PINLYP: variants seen among roughly 807,000 people sequenced by gnomAD.
PINLYP encodes phospholipase A2 inhibitor and LY6/PLAUR domain containing.
PINLYP carries 12 observed loss-of-function variants against 15.8 expected under a neutral mutation model. That is an observed-to-expected ratio of 0.76 (90% CI 0.49 to 1.23). The LOEUF is 1.23. PINLYP is among the 50% of genes most tolerant of loss of function. The pLI is 0.00. For synonymous variants in PINLYP, 93 were observed against 97.7 expected (o/e 0.95, Z 0.28); for missense variants, 278 against 264.2 (o/e 1.05, Z -0.36).
chr19:43,581,857 C>G lies in PINLYP; in HGVS notation c.482-11C>G, dbSNP rs752043553. The G allele has an allele frequency of 7.2e-6, 11 of 1,536,686 alleles. No homozygotes were observed. In the South Asian group the frequency reaches 1.3e-4, roughly 18 times the overall value. On this transcript the variant is annotated splice_polypyrimidine_tract_variant and intron_variant, in intron 5 of 5. Transcript: ENST00000599207. ...GAGGTCCCTGATTCCAGTCTGAAATCTCCCTTTCAGGTATTTTCAAACCCA... is the reference window on the plus strand; with the variant it reads ...GAGGTCCCTGATTCCAGTCTGAAATGTCCCTTTCAGGTATTTTCAAACCCA...
chr19:43,580,737 C>T, intron 3 of PINLYP: 1 of 953,402 alleles, frequency 1.0e-6, no homozygotes, highest in Non-Finnish European at 1.2e-6. Flanking sequence ...GGAGGGAGGG[C>T]TACCTAAGAA....
Position 43,577,484 on chromosome 19 carries a change from A to C in PINLYP, c.70+223A>C, listed in dbSNP as rs376931699. Reference sequence around the variant, plus strand: ...GCTCCTGTGATTGGATCCCTGAGAGAGGGGCTTGGTGGGCTCTGAATCCTC... The same window carrying C: ...GCTCCTGTGATTGGATCCCTGAGAGCGGGGCTTGGTGGGCTCTGAATCCTC... On this transcript the variant is annotated intron_variant, in intron 2 of 5. Transcript: ENST00000599207. Among the ~76,000 whole-genome samples the C allele has an allele frequency of 3.3e-5, 5 of 152,056 alleles. No homozygotes were observed. In the East Asian group the frequency reaches 9.7e-4, roughly 29 times the overall value.
At chr19:43,581,069 A>G in intron 3 of PINLYP, 143 bp from the exon 4 acceptor site, 2 of 1,022,724 alleles carry the variant, frequency 2.0e-6, no homozygotes, top group Non-Finnish European at 2.7e-6. Context: ...TAAAAAAAAT[A>G]AGAAAAGAAA....
intron 2 of PINLYP, 72 bp downstream of exon 2, chr19:43,577,333 GATAT>G: frequency 7.1e-7 from 1 of 1,399,288 alleles, no homozygotes; most frequent in Non-Finnish European, 9.5e-7. Context: ...GAGAGAGAGA[GATAT>G]AGAGAGAGAA....
intron 3 of PINLYP, among the ~76,000 whole-genome samples, chr19:43,579,248 A>AT (rs986777292): frequency 1.1e-4 from 17 of 151,586 alleles, no homozygotes; most frequent in Admixed American, 3.3e-4. Context: ...GGAGCAAATC[A>AT]TTTTTTTTCT....
exon 5 of PINLYP, chr19:43,581,668 A>T (rs1330975983): frequency 6.5e-7 from 1 of 1,536,386 alleles, no homozygotes; most frequent in South Asian, 1.2e-5. Context: ...GGAAAGGAAA[A>T]CCACTGCGTC....
intron 3 of PINLYP, among the ~76,000 whole-genome samples, chr19:43,579,967 AATG>A (rs552965294): frequency 1.8e-4 from 27 of 152,114 alleles, no homozygotes; most frequent in African/African-American, 5.8e-4. Context: ...AGACCTGAAA[AATG>A]ATGGAGGAGA....
At chr19:43,576,379 G>A (rs1057314701) in exon 1 of PINLYP, among the ~76,000 whole-genome samples, 2 of 151,690 alleles carry the variant, frequency 1.3e-5, no homozygotes, top group African/African-American at 4.8e-5. Context: ...GCGCACGCGC[G>A]AAAAAAATTA....
exon 1 of PINLYP, chr19:43,576,862 G>A (rs1972871709): frequency 1.3e-5 from 4 of 312,866 alleles, no homozygotes; most frequent in Non-Finnish European, 2.4e-5. Context: ...GGAATCAAGA[G>A]GCCCAACTCC....
At chr19:43,579,533 T>C (rs964380407) in intron 3 of PINLYP, among the ~76,000 whole-genome samples, 1 of 150,648 alleles carries the variant, frequency 6.6e-6, no homozygotes, top group African/African-American at 2.4e-5. Context: ...AGGCATGAGC[T>C]ACCGTGCCTG....
chr19:43,581,776 A>G, intron 5 of PINLYP, 73 bp downstream of exon 5: 2 of 1,533,280 alleles, frequency 1.3e-6, no homozygotes, highest in East Asian at 2.4e-5. Context: ...ATGGGAGGAG[A>G]GGGTTCCAGA....
exon 6 of PINLYP, chr19:43,582,021 A>G: frequency 6.5e-7 from 1 of 1,535,532 alleles, no homozygotes; most frequent in South Asian, 1.2e-5. Flanking sequence ...TGAACAGAGG[A>G]AGATAATGTA....
At chr19:43,578,773 A>G in intron 3 of PINLYP, 67 bp downstream of exon 3, 1 of 1,205,066 alleles carries the variant, frequency 8.3e-7, no homozygotes, top group Non-Finnish European at 1.2e-6. Flanking sequence ...AGAGACTACC[A>G]TGCTGAGGGG....
chr19:43,576,926 A>C lies in PINLYP; in HGVS notation c.-78+7A>C, dbSNP rs1972872775. On this transcript the variant is annotated splice_region_variant and intron_variant, in intron 1 of 5. Transcript: ENST00000599207. Reference sequence around the variant, plus strand: ...AACAATGGGCCGTGGGAAGGTGAGAAAACAGGGTGGTGACTTTCTGGGTTC... The same window carrying C: ...AACAATGGGCCGTGGGAAGGTGAGACAACAGGGTGGTGACTTTCTGGGTTC... 4 of 493,198 alleles carry C rather than the reference A, an allele frequency of 8.1e-6. No individual in the cohort carries two copies. The highest frequency in any genetic ancestry group is 1.4e-5 in the Non-Finnish European group (4 of 282,330). The allele number at this position is 493,198 out of a possible 1,614,324, so 30.6% of individuals were successfully genotyped here. A position where few individuals can be genotyped will look rare whatever the true frequency, so the allele number is the denominator to read the frequency against.
At chr19:43,581,080 G>GAA in intron 3 of PINLYP, 132 bp from the exon 4 acceptor site, 2 of 1,072,772 alleles carry the variant, frequency 1.9e-6, no homozygotes, top group African/African-American at 1.6e-5. Flanking sequence ...AGAAAAGAAA[G>GAA]AAAAAAAAGA....
At chr19:43,580,473 A>C in intron 3 of PINLYP, 3 of 948,710 alleles carry the variant, frequency 3.2e-6, no homozygotes, top group Non-Finnish European at 3.8e-6. Context: ...TGTTGCTGGG[A>C]CCGGGGTTCA....
chr19:43,581,006 G>T (rs959469007), intron 3 of PINLYP: 2 of 562,888 alleles, frequency 3.6e-6, no homozygotes, highest in African/African-American at 3.8e-5. Flanking sequence ...GGGAGGTGGA[G>T]GTTGCAGTGA....
At chr19:43,576,653 C>G (rs1972868609) in exon 1 of PINLYP, 1 of 154,618 alleles carries the variant, frequency 6.5e-6, no homozygotes, top group Non-Finnish European at 1.4e-5. Context: ...GGGGTCGCAG[C>G]TGGAGACAGC....
At chr19:43,577,255 G>T in exon 2 of PINLYP, 1 of 1,535,796 alleles carries the variant, frequency 6.5e-7, no homozygotes, top group Non-Finnish European at 8.7e-7. Context: ...CACCCTCCTG[G>T]GTCTTGGTAA....
Sources: gnomAD v4.1 joint callset for allele counts (sites outside exome capture counted in the v4.1 genomes callset) on GRCh38, gnomAD v4.1.1 for gene constraint, MANE v1.5 for transcripts, NCBI Gene and HGNC (gene_info 2026-07-23, HGNC 2026-07-21) for gene names.